Variants in TJP3 observed in about 807,000 individuals in gnomAD.
The protein encoded by TJP3 is tight junction protein ZO-3.
In TJP3, 85 loss-of-function variants were observed where a neutral mutation model predicts 104.2. The observed-to-expected ratio is 0.82, with a 90% CI of 0.68 to 0.98. The LOEUF (loss-of-function observed/expected upper bound fraction) is 0.98. Ranked by LOEUF, TJP3 falls within the 50% of genes least tolerant of loss-of-function variation. The pLI is 0.00. For missense variants in TJP3, 1,367 were observed against 1,322.8 expected, an observed-to-expected ratio of 1.03 and a Z score of -0.52; for synonymous variants, 550 against 550.6, an observed-to-expected ratio of 1.00 and a Z score of 0.02.
rs10408494 is a variant in TJP3, at chr19:3,747,912, G to T, written c.2441G>T (p.Gly814Val). ...GACTACGAGACGGACGGCGAGGGCG[G>T]CGCGTACACGGATGGCGAGGGCTAC... is the stretch of plus-strand genomic sequence containing the variant. ...NSDYETDGEG[G>V]AYTDGEGYTD... Residue 814 changes from glycine (G) to valine (V), a missense_variant, in exon 19 of 21, where the codon GGC (glycine) becomes GTC (valine). Physicochemically the swap from Gly to Val is moderately radical, Grantham distance 109 (BLOSUM62 -3). Coordinates refer to ENST00000541714, the MANE Select transcript of TJP3 (RefSeq NM_001267560.2). The T allele has an allele frequency of 6.2e-7, 1 of 1,613,124 alleles. No individual in the cohort carries two copies. Among genetic ancestry groups the T allele is most frequent in the African/African-American group, 1.3e-5 (1 of 74,882 alleles).
intron 1 of TJP3, among the ~76,000 whole-genome samples, chr19:3,725,709 A>AAAC (rs1458845274): frequency 6.6e-6 from 1 of 151,770 alleles, no homozygotes; most frequent in Non-Finnish European, 1.5e-5. Context: ...AAAAAAAAAA[A>AAAC]AACTACACAA....
chr19:3,731,740 T>C (rs8105785), intron 5 of TJP3, among the ~76,000 whole-genome samples, 195 bp from the exon 6 acceptor site: 28,059 of 152,176 alleles, frequency 0.18, 2,735 homozygotes, highest in Non-Finnish European at 0.22. Context: ...CACGGTGACC[T>C]GGTGTCCCCG....
Position 3,750,786 on chromosome 19 carries a change from CT to C in TJP3, c.*105del. ...ACAACCTTACCTCCCTCCGCCTGGT[CT>C]TTAATAAACAGAGTATTTTCACAGC... On this transcript the variant is annotated 3_prime_UTR_variant, in exon 21 of 21. Coordinates refer to ENST00000541714, the MANE Select transcript of TJP3 (RefSeq NM_001267560.2). 1 of 1,098,452 alleles carries C rather than the reference CT, an allele frequency of 9.1e-7. No individual in the cohort carries two copies. 68.0% of individuals were successfully genotyped at this position (1,098,452 alleles called of 1,614,324 possible). A position where few individuals can be genotyped will look rare whatever the true frequency, so the allele number is the denominator to read the frequency against.
intron 5 of TJP3, among the ~76,000 whole-genome samples, chr19:3,731,610 G>C (rs1364504074): frequency 6.6e-6 from 1 of 152,142 alleles, no homozygotes; most frequent in Non-Finnish European, 1.5e-5. Flanking sequence ...TCCAGCCCCG[G>C]CGATAGGAGT....
intron 19 of TJP3, 79 bp from the exon 20 acceptor site, chr19:3,750,059 T>G: frequency 1.3e-6 from 2 of 1,579,720 alleles, no homozygotes; most frequent in Non-Finnish European, 8.7e-7. Context: ...AGGTGGGGGA[T>G]GGGATGGAGG....
chr19:3,735,510 T>C, intron 8 of TJP3, 56 bp from the exon 9 acceptor site: 1 of 1,586,754 alleles, frequency 6.3e-7, no homozygotes, highest in Non-Finnish European at 8.7e-7. Context: ...AAAATTCTTT[T>C]TAAAATGGCC....
At position 3,715,305 on chromosome 19, in the gene TJP3, G is replaced by A. The variant is rs545910251; in HGVS notation, c.-10+6744G>A. 1.8e-4 allele frequency among the ~76,000 whole-genome samples: 28 copies of A among 152,244 alleles called. 1 individual carries two copies. In the South Asian group the frequency reaches 4.6e-3, roughly 25 times the overall value. ...GGGGTTTCACCGTGTTATCCAGGAT[G>A]GTCTCGATCTCCTGACCTCGTGATC... On this transcript the variant is annotated intron_variant, in intron 1 of 20. Transcript: ENST00000541714.
At chr19:3,740,907 G>A (rs898161434) in intron 14 of TJP3, 144 bp downstream of exon 14, 23 of 704,544 alleles carry the variant, frequency 3.3e-5, no homozygotes, top group Admixed American at 2.4e-4. Flanking sequence ...TTGGGAGGCC[G>A]AGGTAGGAGG....
At chr19:3,731,782 C>T (rs902664648) in intron 5 of TJP3, among the ~76,000 whole-genome samples, 153 bp from the exon 6 acceptor site, 1 of 152,166 alleles carries the variant, frequency 6.6e-6, no homozygotes, top group Admixed American at 6.6e-5. Flanking sequence ...ACAATCAGAT[C>T]TCGGGTCCTA....
chr19:3,746,704 G>A lies in TJP3; in HGVS notation c.2221+9G>A, dbSNP rs1053590792. The A allele has an allele frequency of 2.5e-6, 4 of 1,608,332 alleles. No homozygotes were observed. Among genetic ancestry groups the A allele is most frequent in the Non-Finnish European group, 2.5e-6 (3 of 1,177,446 alleles). On this transcript the variant is annotated intron_variant, in intron 17 of 20. Transcript: ENST00000541714. The surrounding 1 kb of genome is among the most constrained non-coding windows in gnomAD (Gnocchi z 4.1). ...CAGCCACCTCTTCACAGGTTGGGGG[G>A]TGGGTGTCCCAGGGTAGGCGGGTGG...
rs2036927750 is a variant in TJP3 at position 3,748,024 on chromosome 19, A to C, written c.2553A>C (p.Ala851=). The change falls in exon 19 of 21, where the codon GCA becomes GCC. Residue 851 remains alanine, a synonymous_variant. Coordinates refer to ENST00000541714, the MANE Select transcript of TJP3 (RefSeq NM_001267560.2). The stretch of plus-strand genomic sequence containing the variant: ...CCCGGTCCTCGGAGCCCGTGCAGGC[A>C]GATGAGTCCCAGAGCCCGAGGGATC... ...ALARSSEPVQ[A]DESQSPRDRG... 1.2e-6 allele frequency: 2 copies of C among 1,604,522 alleles called. No individual in the cohort carries two copies. Among genetic ancestry groups the C allele is most frequent in the East Asian group, 4.5e-5 (2 of 44,474 alleles).
rs777992830 is a variant in TJP3, at chr19:3,732,048, G to A, written c.717+10G>A. ...AGATCTCATTCTACAGGTGAGGCCG[G>A]GCTTCTTGTCCTGAGAGCAGGGAGA... is the stretch of plus-strand genomic sequence containing the variant. On this transcript the variant is annotated intron_variant, in intron 6 of 20. Coordinates refer to ENST00000541714, the MANE Select transcript of TJP3 (RefSeq NM_001267560.2). The A allele has an allele frequency of 5.6e-6, 9 of 1,608,546 alleles. No homozygotes were observed. The South Asian group carries it at 1.0e-4, about 18-fold the overall frequency.
intron 14 of TJP3, 22 bp from the exon 15 acceptor site, chr19:3,743,917 T>C: frequency 3.7e-6 from 6 of 1,612,336 alleles, no homozygotes; most frequent in Non-Finnish European, 5.1e-6. Context: ...CCTGATTCTT[T>C]CACTGTGTCT....
intron 1 of TJP3, among the ~76,000 whole-genome samples, chr19:3,716,369 G>A (rs912156124): frequency 1.1e-4 from 17 of 148,382 alleles, no homozygotes; most frequent in African/African-American, 4.1e-4. Context: ...CACCGCGCTC[G>A]GCCTGGTATT....
At chr19:3,722,801 G>C (rs6510766) in intron 1 of TJP3, among the ~76,000 whole-genome samples, 41 of 138,678 alleles carry the variant, frequency 3.0e-4, no homozygotes, top group African/African-American at 1.1e-3. Context: ...TCCCCAATCG[G>C]TGTATTTGTT....
chr19:3,709,892 G>T (rs2036417847), intron 1 of TJP3, among the ~76,000 whole-genome samples: 1 of 152,146 alleles, frequency 6.6e-6, no homozygotes, highest in South Asian at 2.1e-4. Flanking sequence ...GCTCACGCCT[G>T]TAATCCCAGC....
At chr19:3,723,611 G>C (rs2036565103) in intron 1 of TJP3, among the ~76,000 whole-genome samples, 1 of 151,516 alleles carries the variant, frequency 6.6e-6, no homozygotes, top group African/African-American at 2.4e-5. Flanking sequence ...GGCCAACATG[G>C]TGAACCCCCA....
intron 8 of TJP3, 25 bp downstream of exon 8, chr19:3,734,460 T>C (rs749066214): frequency 2.5e-6 from 4 of 1,577,926 alleles, no homozygotes. Context: ...TCGGCCAGAA[T>C]GGTGATAGGG....
intron 1 of TJP3, among the ~76,000 whole-genome samples, chr19:3,725,272 C>T (rs773673719): frequency 8.0e-5 from 12 of 150,114 alleles, no homozygotes; most frequent in Non-Finnish European, 1.3e-4. Flanking sequence ...AAAAACCAAA[C>T]AACCAATCAA....
Sources: allele counts gnomAD v4.1 joint callset (sites outside exome capture counted in the v4.1 genomes callset), GRCh38; gene constraint gnomAD v4.1.1; non-coding constraint Gnocchi (gnomAD v3.1); transcripts MANE v1.5; gene names NCBI Gene and HGNC (gene_info 2026-07-23, HGNC 2026-07-21).